RAB11FIP1: variants seen among roughly 807,000 people sequenced by gnomAD.
The protein encoded by RAB11FIP1 is RAB11 family interacting protein 1.
In RAB11FIP1, 49 loss-of-function variants were observed where a neutral mutation model predicts 83.1. The observed-to-expected ratio is 0.59, with a 90% confidence interval of 0.47 to 0.75. RAB11FIP1 has a LOEUF of 0.75. RAB11FIP1 is among the 30% of genes least tolerant of loss of function. The pLI is 0.00. For synonymous variants in RAB11FIP1, 670 were observed against 656.0 expected (o/e 1.02, Z -0.33); for missense variants, 1,536 against 1,598.7 (o/e 0.96, Z 0.67).
rs200493654 is a variant in RAB11FIP1, at chr8:37,896,309, C to CA, written c.371+2761dup. ...TGGGGGACAGAGTGAGACGCCATCT[C>CA]AAAAAAAAAAAAAATTCCACCTTTC... is the stretch of plus-strand genomic sequence containing the variant. On this transcript the variant is annotated intron_variant, in intron 1 of 5. Coordinates refer to ENST00000330843, the MANE Select transcript of RAB11FIP1 (RefSeq NM_001002814.3). 9.4e-3 allele frequency among the ~76,000 whole-genome samples: 1,303 copies of CA among 138,186 alleles called. 15 individuals carry two copies. The highest frequency in any genetic ancestry group is 0.027 in the African/African-American group (1,014 of 37,874). 90.7% of individuals were successfully genotyped at this position (138,186 alleles called of 152,430 possible).
intron 1 of RAB11FIP1, among the ~76,000 whole-genome samples, chr8:37,890,805 A>G (rs1302283557): frequency 6.6e-6 from 1 of 151,286 alleles, no homozygotes; most frequent in Non-Finnish European, 1.5e-5. Context: ...AGAAAAGGGC[A>G]CTGACCACAA....
chr8:37,863,048 C>G lies in RAB11FIP1; in HGVS notation c.3699G>C (p.Leu1233=). 6.2e-7 allele frequency: 1 copy of G among 1,613,120 alleles called. No individual in the cohort carries two copies. The highest frequency in any genetic ancestry group is 8.5e-7 in the Non-Finnish European group (1 of 1,179,978). ...TTATCGTTTCCTTCTGTTTGAGGAC[C>G]AGCTGAATCAGCTCATCGTGGGTCA... ...AQLTHDELIQ[L]VLKQKETISK... is the part of the protein sequence containing the mutation. Residue 1233 remains leucine, a synonymous_variant, in exon 6 of 6, where the codon CTG becomes CTC. Coordinates refer to ENST00000330843, the MANE Select transcript of RAB11FIP1 (RefSeq NM_001002814.3).
At chr8:37,896,670 T>G (rs1807097070) in intron 1 of RAB11FIP1, among the ~76,000 whole-genome samples, 1 of 152,152 alleles carries the variant, frequency 6.6e-6, no homozygotes, top group Admixed American at 6.5e-5. Flanking sequence ...AGCTCAAGGT[T>G]TCAATCTCTC....
At position 37,874,842 on chromosome 8, in the gene RAB11FIP1, C is replaced by G. The variant is rs1386426455; in HGVS notation, c.1295G>C (p.Arg432Thr). The change falls in exon 3 of 6, where the codon AGG (arginine) becomes ACG (threonine). Residue 432 changes from arginine to threonine, a missense_variant. Transcript: ENST00000330843. The stretch of plus-strand genomic sequence containing the variant: ...CATCAGAGACAGCAAAGAGGACCTC[C>G]TGCTCTCTGGCTTCTTGCTCTCCTT... ...EAKESKKPES[R>T]RSSLLSLMTG... 6.2e-7 allele frequency: 1 copy of G among 1,614,200 alleles called. No individual in the cohort carries two copies. Among genetic ancestry groups the G allele is most frequent in the Admixed American group, 1.7e-5 (1 of 60,026 alleles).
At position 37,875,204 on chromosome 8, in the gene RAB11FIP1, G is replaced by A. The variant is rs771617877; in HGVS notation, c.933C>T (p.Val311=). The A allele has an allele frequency of 6.8e-6, 11 of 1,614,140 alleles. No homozygotes were observed. Among genetic ancestry groups the A allele is most frequent in the Non-Finnish European group, 7.6e-6 (9 of 1,180,012 alleles). ...FLGGLRSKND[V]LSRSNVCING... Reference sequence around the variant, plus strand: ...TGATGCAGACATTAGAGCGGGAAAGGACATCATTCTTAGACCGAAGGCCAC... The same window carrying A: ...TGATGCAGACATTAGAGCGGGAAAGAACATCATTCTTAGACCGAAGGCCAC... The change falls in exon 3 of 6, where the codon GTC becomes GTT. Residue 311 remains valine, a synonymous_variant. Coordinates refer to ENST00000330843, the MANE Select transcript of RAB11FIP1 (RefSeq NM_001002814.3).
At chr8:37,866,871 G>A (rs779501244) in intron 5 of RAB11FIP1, among the ~76,000 whole-genome samples, 1 of 152,274 alleles carries the variant, frequency 6.6e-6, no homozygotes, top group East Asian at 1.9e-4. Flanking sequence ...GAAACGTCCC[G>A]TATTTACCCA....
Position 37,862,856 on chromosome 8 carries a change from G to A in RAB11FIP1, c.*39C>T, listed in dbSNP as rs746927581. On this transcript the variant is annotated 3_prime_UTR_variant, in exon 6 of 6. Transcript: ENST00000330843. ...CTTGACCCCTGGAGCAGGTGAAAGT[G>A]AAGTCACAGAAACGTCTCGGTGTTT... 2.6e-6 allele frequency: 4 copies of A among 1,541,346 alleles called. No individual in the cohort carries two copies. Among genetic ancestry groups the A allele is most frequent in the Non-Finnish European group, 3.6e-6 (4 of 1,123,194 alleles).
At chr8:37,877,993 T>C (rs1308431033) in intron 1 of RAB11FIP1, 7 of 155,940 alleles carry the variant, frequency 4.5e-5, no homozygotes, top group African/African-American at 1.4e-4. Flanking sequence ...ATGTTGGGAT[T>C]ACAGGCGTGA....
At position 37,861,572 on chromosome 8, in the gene RAB11FIP1, CAG is replaced by C. The variant is rs1773616523; in HGVS notation, c.*1321_*1322del. ...TTTTTCTTTTTAGTTTTTTTTAAGA[CAG>C]AGTCTTAAAAAAATTGCCCAGGCTC... On this transcript the variant is annotated 3_prime_UTR_variant, in exon 6 of 6. Coordinates refer to ENST00000330843, the MANE Select transcript of RAB11FIP1 (RefSeq NM_001002814.3). 1 of 443,222 alleles carries C rather than the reference CAG, an allele frequency of 2.3e-6. No individual in the cohort carries two copies. Among genetic ancestry groups the C allele is most frequent in the Non-Finnish European group, 4.5e-6 (1 of 224,036 alleles). The allele number at this position is 443,222 out of a possible 1,614,324, so 27.5% of individuals were successfully genotyped here.
intron 4 of RAB11FIP1, chr8:37,870,795 C>A: frequency 2.6e-6 from 1 of 391,604 alleles, no homozygotes; most frequent in Non-Finnish European, 4.5e-6. Context: ...TTACAAACAT[C>A]AGAACATTAA....
intron 1 of RAB11FIP1, among the ~76,000 whole-genome samples, chr8:37,886,330 T>C (rs545687720): frequency 6.6e-6 from 1 of 152,316 alleles, no homozygotes; most frequent in South Asian, 2.1e-4. Flanking sequence ...ATCACAATAA[T>C]GACTCACATA....
chr8:37,865,672 T>C (rs986138513), intron 5 of RAB11FIP1, among the ~76,000 whole-genome samples: 2 of 152,244 alleles, frequency 1.3e-5, no homozygotes, highest in Non-Finnish European at 2.9e-5. Flanking sequence ...TACAAAATAA[T>C]AGTTTTACAG....
At position 37,899,464 on chromosome 8, in the gene RAB11FIP1, C is replaced by G. The variant is rs372207967; in HGVS notation, c.-23G>C. 2.7e-5 allele frequency: 40 copies of G among 1,493,096 alleles called. No homozygotes were observed. In the African/African-American group the frequency reaches 3.7e-4, roughly 14 times the overall value. The allele number at this position is 1,493,096 out of a possible 1,614,324, so 92.5% of individuals were successfully genotyped here. On this transcript the variant is annotated 5_prime_UTR_variant, in exon 1 of 6. Transcript: ENST00000330843. The surrounding 1 kb of genome is among the most constrained non-coding windows in gnomAD (Gnocchi z 4.5). ...CATGGTGACGATAACACTCCAGAAG[C>G]GAGGAGAAGATCGCCGCGACTGGCG...
chr8:37,874,868 A>G lies in RAB11FIP1; in HGVS notation c.1269T>C (p.Ala423=), dbSNP rs147246569. ...TGCTCTCTGGCTTCTTGCTCTCCTTAGCTTCTTTTGTGGCCTCTGAGTTTG... is the reference window on the plus strand; with the variant it reads ...TGCTCTCTGGCTTCTTGCTCTCCTTGGCTTCTTTTGTGGCCTCTGAGTTTG... ...APANSEATKE[A]KESKKPESRR... is the part of the protein sequence containing the mutation. The change falls in exon 3 of 6, where the codon GCT becomes GCC. Residue 423 remains alanine, a synonymous_variant. Coordinates refer to ENST00000330843, the MANE Select transcript of RAB11FIP1 (RefSeq NM_001002814.3). 6.2e-7 allele frequency: 1 copy of G among 1,613,766 alleles called. No homozygotes were observed. The highest frequency in any genetic ancestry group is 1.7e-5 in the Admixed American group (1 of 59,986).
intron 1 of RAB11FIP1, among the ~76,000 whole-genome samples, chr8:37,881,531 A>G (rs1250390552): frequency 6.6e-6 from 1 of 152,248 alleles, no homozygotes; most frequent in Non-Finnish European, 1.5e-5. Flanking sequence ...ATACAAAGTC[A>G]TCAAGAAGAA....
chr8:37,868,995 A>G (rs1163313396), intron 5 of RAB11FIP1, among the ~76,000 whole-genome samples: 1 of 152,136 alleles, frequency 6.6e-6, no homozygotes, highest in African/African-American at 2.4e-5. Context: ...TGGGAGCCCA[A>G]AGCAGGTGGA....
At chr8:37,897,663 T>C (rs1460559024) in intron 1 of RAB11FIP1, among the ~76,000 whole-genome samples, 1 of 151,924 alleles carries the variant, frequency 6.6e-6, no homozygotes, top group Non-Finnish European at 1.5e-5. Context: ...CCACCAGGAT[T>C]AGGACCAGAG....
chr8:37,877,725 T>A, intron 1 of RAB11FIP1, 174 bp from the exon 2 acceptor site: 1 of 541,238 alleles, frequency 1.8e-6, no homozygotes, highest in Non-Finnish European at 3.2e-6. Context: ...TTTTTTTTTT[T>A]TTTTTTTTTT....
chr8:37,871,399 A>C lies in RAB11FIP1; in HGVS notation c.3403T>G (p.Ser1135Ala), dbSNP rs748185333. 8 of 1,614,094 alleles carry C rather than the reference A, an allele frequency of 5.0e-6. No individual in the cohort carries two copies. The South Asian group carries it at 8.8e-5, about 18-fold the overall frequency. The change falls in exon 4 of 6, where the codon TCC (serine) becomes GCC (alanine). Residue 1135 changes from serine to alanine, a missense_variant. Physicochemically the swap from Ser to Ala is moderately conservative, Grantham distance 99 (BLOSUM62 1). Coordinates refer to ENST00000330843, the MANE Select transcript of RAB11FIP1 (RefSeq NM_001002814.3). ...CCAAAATTTTCAACTCTACCAGCGG[A>C]GCCCTCTGCTGTGGCTTTTTTTTGA... Reference protein sequence around the residue: ...ESQKKATAEGSAGRVENFGKR... With the variant: ...ESQKKATAEGAAGRVENFGKR...
Sources: allele counts gnomAD v4.1 joint callset (sites outside exome capture counted in the v4.1 genomes callset), GRCh38; gene constraint gnomAD v4.1.1; non-coding constraint Gnocchi (gnomAD v3.1); transcripts MANE v1.5; gene names NCBI Gene and HGNC (gene_info 2026-07-23, HGNC 2026-07-21).